Variants in PPP1R1C observed in about 807,000 individuals in gnomAD.
PPP1R1C encodes protein phosphatase 1 regulatory subunit 1C.
A neutral mutation model predicts 17.4 loss-of-function variants in PPP1R1C; 15 were observed. The observed-to-expected ratio is 0.86, with a 90% CI of 0.58 to 1.33. The LOEUF is 1.33. Ranked by LOEUF, PPP1R1C falls within the 40% of genes most tolerant of loss-of-function variation. The pLI, the probability that PPP1R1C is intolerant of heterozygous loss-of-function variation, is 0.00. For synonymous variants in PPP1R1C, 35 were observed against 43.1 expected (o/e 0.81, Z 0.73); for missense variants, 143 against 130.0 (o/e 1.10, Z -0.48).
downstream of PPP1R1C, among the ~76,000 whole-genome samples, chr2:182,122,219 TA>T (rs5836817): frequency 2.2e-4 from 33 of 151,666 alleles, no homozygotes; most frequent in South Asian, 5.2e-3. Flanking sequence ...AGGGTATTTA[TA>T]AAAAAAAATT....
chr2:181,981,313 A>G (rs1685191123), upstream of PPP1R1C, among the ~76,000 whole-genome samples: 1 of 152,180 alleles, frequency 6.6e-6, no homozygotes, highest in Admixed American at 6.5e-5. Context: ...CCTGATAGAG[A>G]TTGCAAGTAT....
chr2:182,117,604 T>G lies in PPP1R1C; in HGVS notation c.*309T>G. The G allele has an allele frequency of 4.1e-6, 1 of 241,402 alleles. No homozygotes were observed. Among genetic ancestry groups the G allele is most frequent in the Non-Finnish European group, 7.9e-6 (1 of 126,228 alleles). 15.0% of individuals were successfully genotyped at this position (241,402 alleles called of 1,614,324 possible). A position where few individuals can be genotyped will look rare whatever the true frequency, so the allele number is the denominator to read the frequency against. ...TACTGCCAGAGCTTAATCCTTGATG[T>G]CCTACTGATAAGGTTTGCATTCTAA... On this transcript the variant is annotated 3_prime_UTR_variant, in exon 5 of 5. Coordinates refer to ENST00000682840, the MANE Select transcript of PPP1R1C (RefSeq NM_001080545.3).
At chr2:182,010,182 G>T (rs1686049003) in intron 2 of PPP1R1C, among the ~76,000 whole-genome samples, 1 of 151,542 alleles carries the variant, frequency 6.6e-6, no homozygotes, top group Admixed American at 6.6e-5. Context: ...TTTTTATGGG[G>T]ATTACATTGA....
At chr2:181,955,943 C>T (rs1684663158) in intron 1 of PPP1R1C, among the ~76,000 whole-genome samples, 1 of 152,058 alleles carries the variant, frequency 6.6e-6, no homozygotes, top group Admixed American at 6.5e-5. Flanking sequence ...AGGTTTGTTA[C>T]ATAGGTACAC....
upstream of PPP1R1C, among the ~76,000 whole-genome samples, chr2:181,981,949 A>C (rs149674133): frequency 6.6e-6 from 1 of 152,202 alleles, no homozygotes; most frequent in Admixed American, 6.5e-5. Flanking sequence ...TAATGTAGTC[A>C]TGTGTAATAC....
chr2:182,113,569 A>G (rs1221453571), intron 4 of PPP1R1C, among the ~76,000 whole-genome samples: 1 of 152,076 alleles, frequency 6.6e-6, no homozygotes, highest in Non-Finnish European at 1.5e-5. Flanking sequence ...GAATACCACC[A>G]ACACTGCCAG....
At position 181,976,883 on chromosome 2, in the gene PPP1R1C, A is replaced by G. The variant is rs1685099648; in HGVS notation, n.157+1619A>G. 6.6e-6 allele frequency among the ~76,000 whole-genome samples: 1 copy of G among 152,078 alleles called. No individual in the cohort carries two copies. The highest frequency in any genetic ancestry group is 2.4e-5 in the African/African-American group (1 of 41,420). ...CCAGGCACAATGGCTTATGCCTGTA[A>G]TCCCAGCACTTTGGGATGCTGAGGC... On this transcript the variant is annotated intron_variant and non_coding_transcript_variant, in intron 2 of 5. Coordinates refer to the PPP1R1C transcript ENST00000464264. This position sits in a 1 kb window ranked among gnomAD's most constrained non-coding sequence, Gnocchi z 4.8.
intron 2 of PPP1R1C, among the ~76,000 whole-genome samples, chr2:181,989,208 A>G (rs1455704247): frequency 1.3e-5 from 2 of 152,102 alleles, no homozygotes; most frequent in African/African-American, 4.8e-5. Context: ...CAGGTGTTCT[A>G]TCTCCTGGAG....
At chr2:181,983,510 C>G (rs944469247), upstream of PPP1R1C, among the ~76,000 whole-genome samples, 3 of 151,774 alleles carry the variant, frequency 2.0e-5, no homozygotes. Context: ...AAAATTATAC[C>G]CCCCATGCAA....
chr2:182,065,124 T>C (rs1652348364), intron 4 of PPP1R1C, among the ~76,000 whole-genome samples: 1 of 152,078 alleles, frequency 6.6e-6, no homozygotes, highest in Non-Finnish European at 1.5e-5. Context: ...GTTACACATT[T>C]TTGCATAAAG....
chr2:182,118,699 TC>T (rs1689652950), downstream of PPP1R1C, among the ~76,000 whole-genome samples: 2 of 152,078 alleles, frequency 1.3e-5, no homozygotes, highest in African/African-American at 4.8e-5. Context: ...TTAGTATTTT[TC>T]CCCAAGAAAA....
At chr2:182,039,008 A>G (rs1687101683) in intron 2 of PPP1R1C, among the ~76,000 whole-genome samples, 1 of 152,180 alleles carries the variant, frequency 6.6e-6, no homozygotes, top group Non-Finnish European at 1.5e-5. Context: ...CTGTTAAGAC[A>G]CACAGAAAGG....
chr2:182,090,150 A>C (rs771638306), intron 4 of PPP1R1C, among the ~76,000 whole-genome samples: 1 of 152,092 alleles, frequency 6.6e-6, no homozygotes, highest in Admixed American at 6.6e-5. Flanking sequence ...GAATTAATAA[A>C]CCTATCCTAC....
At chr2:181,959,271 T>A (rs563856565) in intron 1 of PPP1R1C, among the ~76,000 whole-genome samples, 10 of 152,234 alleles carry the variant, frequency 6.6e-5, no homozygotes, top group Non-Finnish European at 4.4e-5. Flanking sequence ...ATTTTGAGAA[T>A]GCCAATATTA....
intron 5 of PPP1R1C, among the ~76,000 whole-genome samples, chr2:182,123,691 G>C (rs1369877974): frequency 6.6e-6 from 1 of 152,116 alleles, no homozygotes; most frequent in Non-Finnish European, 1.5e-5. Flanking sequence ...CCCACTTTTT[G>C]ATGGGGTTGT....
chr2:182,030,794 G>A (rs1389402509), intron 2 of PPP1R1C: 12 of 158,660 alleles, frequency 7.6e-5, no homozygotes, highest in African/African-American at 2.6e-4. Context: ...GGGCAATGGC[G>A]GGTGCCCCTC....
intron 5 of PPP1R1C, among the ~76,000 whole-genome samples, chr2:182,122,788 A>C (rs1689765564): frequency 6.6e-6 from 1 of 152,200 alleles, no homozygotes; most frequent in African/African-American, 2.4e-5. Flanking sequence ...AAACTAGGTC[A>C]GTGGTACTGT....
intron 2 of PPP1R1C, among the ~76,000 whole-genome samples, chr2:182,036,659 C>G (rs1266204237): frequency 6.6e-6 from 1 of 152,016 alleles, no homozygotes; most frequent in African/African-American, 2.4e-5. Context: ...ATTATTATAA[C>G]TTAACCTGAT....
At chr2:181,970,455 C>A (rs780398802) in intron 1 of PPP1R1C, among the ~76,000 whole-genome samples, 1 of 152,170 alleles carries the variant, frequency 6.6e-6, no homozygotes, top group Non-Finnish European at 1.5e-5. Context: ...GATTACCAGG[C>A]AGAGACTCTT....
Sources: allele counts gnomAD v4.1 joint callset (sites outside exome capture counted in the v4.1 genomes callset), GRCh38; gene constraint gnomAD v4.1.1; non-coding constraint Gnocchi (gnomAD v3.1); transcripts MANE v1.5; gene names NCBI Gene and HGNC (gene_info 2026-07-23, HGNC 2026-07-21).